FAF1: variants seen among roughly 807,000 people sequenced by gnomAD.
The protein encoded by FAF1 is FAS-associated factor 1.
In FAF1, 25 loss-of-function variants were observed where a neutral mutation model predicts 92.5. The observed-to-expected ratio is 0.27, with a 90% CI of 0.20 to 0.38. FAF1 has a LOEUF of 0.38. Ranked by LOEUF, FAF1 falls within the 10% of genes least tolerant of loss-of-function variation. The probability of loss-of-function intolerance (pLI) is 1.00; values close to 1 mark genes in which losing one functional copy is unlikely to be tolerated. For synonymous variants in FAF1, 234 were observed against 273.2 expected (o/e 0.86, Z 1.42); for missense variants, 636 against 793.3 (o/e 0.80, Z 2.38).
At position 50,685,360 on chromosome 1, in the gene FAF1, A is replaced by G. The variant is rs577146657; in HGVS notation, c.657+20426T>C. Among the ~76,000 whole-genome samples, 4 of 152,330 alleles carry G rather than the reference A, an allele frequency of 2.6e-5. No homozygotes were observed. The East Asian group carries it at 7.7e-4, about 29-fold the overall frequency. Reference sequence around the variant, plus strand: ...AGGGAAGTGATCCTACTGTTATGCTAACTTTACTGATAAAGAGTCCGTGTA... The same window carrying G: ...AGGGAAGTGATCCTACTGTTATGCTGACTTTACTGATAAAGAGTCCGTGTA... On this transcript the variant is annotated intron_variant, in intron 7 of 18. Transcript: ENST00000396153.
chr1:50,917,243 C>A (rs1362583314), intron 1 of FAF1, among the ~76,000 whole-genome samples: 2 of 152,268 alleles, frequency 1.3e-5, no homozygotes, highest in Admixed American at 6.5e-5. Flanking sequence ...CTGAAAGATA[C>A]ACTGCAATCA....
chr1:50,805,397 T>A lies in FAF1; in HGVS notation c.115-3720A>T, dbSNP rs55743332. Among the ~76,000 whole-genome samples, 1,174 of 152,270 alleles carry A rather than the reference T, an allele frequency of 7.7e-3. 13 individuals carry two copies. The highest frequency in any genetic ancestry group is 0.027 in the African/African-American group (1,134 of 41,562). ...GAAAACAATACCCTCTAAAATGCCA[T>A]CTTCCATAGCACACTAAAAGGCATG... On this transcript the variant is annotated intron_variant, in intron 2 of 18. Transcript: ENST00000396153.
chr1:50,596,329 C>G, intron 8 of FAF1, 113 bp from the exon 9 acceptor site: 1 of 744,510 alleles, frequency 1.3e-6, no homozygotes, highest in East Asian at 2.7e-5. Context: ...AAAGCTAACT[C>G]TAGTATCCTG....
intron 15 of FAF1, among the ~76,000 whole-genome samples, chr1:50,499,565 C>A: frequency 6.6e-6 from 1 of 151,940 alleles, no homozygotes; most frequent in East Asian, 1.9e-4. Flanking sequence ...TAATAAAAGG[C>A]ATCTACAATG....
chr1:50,836,157 G>GT (rs1490855614), intron 2 of FAF1, among the ~76,000 whole-genome samples: 1 of 106,724 alleles, frequency 9.4e-6, no homozygotes, highest in Non-Finnish European at 2.1e-5. Flanking sequence ...GTGTGTTTTT[G>GT]TTTTTTGTTT....
At chr1:50,858,044 G>A (rs1644403932) in intron 1 of FAF1, 47 bp from the exon 2 acceptor site, 2 of 1,372,474 alleles carry the variant, frequency 1.5e-6, no homozygotes, top group Non-Finnish European at 2.0e-6. Flanking sequence ...TTAGAAATAG[G>A]GAGGTAAATC....
chr1:50,858,737 T>C (rs974675144), intron 1 of FAF1, among the ~76,000 whole-genome samples: 1 of 151,900 alleles, frequency 6.6e-6, no homozygotes, highest in Non-Finnish European at 1.5e-5. Context: ...TATGAAATTA[T>C]ATTTCTGGTG....
intron 7 of FAF1, among the ~76,000 whole-genome samples, chr1:50,663,057 G>A (rs957148049): frequency 6.6e-6 from 1 of 151,588 alleles, no homozygotes; most frequent in Non-Finnish European, 1.5e-5. Flanking sequence ...AATTCCTAAA[G>A]TGCTAAGAAA....
chr1:50,772,367 C>T (rs1660805149), intron 4 of FAF1, among the ~76,000 whole-genome samples: 2 of 152,068 alleles, frequency 1.3e-5, no homozygotes, highest in African/African-American at 4.8e-5. Flanking sequence ...AAAGGAACAT[C>T]AATCATCACA....
chr1:50,474,089 C>T (rs1041783746), intron 18 of FAF1, among the ~76,000 whole-genome samples: 5 of 152,168 alleles, frequency 3.3e-5, no homozygotes, highest in African/African-American at 7.2e-5. Flanking sequence ...TAACACTTCA[C>T]GACACAAGAT....
At chr1:50,745,613 T>C (rs1659557855) in intron 4 of FAF1, among the ~76,000 whole-genome samples, 1 of 152,172 alleles carries the variant, frequency 6.6e-6, no homozygotes, top group African/African-American at 2.4e-5. Flanking sequence ...TTCATCCTGC[T>C]CTGGCCTGCT....
intron 8 of FAF1, among the ~76,000 whole-genome samples, chr1:50,630,826 A>ATT (rs1471050080): frequency 0.033 from 4,105 of 124,346 alleles, 118 homozygotes; most frequent in African/African-American, 0.053. Flanking sequence ...AGTGTATCAT[A>ATT]TCTTTTTTTT....
chr1:50,501,660 C>CAAA (rs543026675), intron 15 of FAF1, among the ~76,000 whole-genome samples: 3 of 106,242 alleles, frequency 2.8e-5, no homozygotes, highest in Non-Finnish European at 5.7e-5. Flanking sequence ...GACTCCGTCT[C>CAAA]AAAAAAAAAA....
chr1:50,582,803 A>G (rs1651050886), intron 11 of FAF1, 104 bp from the exon 12 acceptor site: 3 of 712,834 alleles, frequency 4.2e-6, no homozygotes, highest in Non-Finnish European at 7.4e-6. Flanking sequence ...GCTAATGTCT[A>G]GTGCATACTA....
intron 1 of FAF1, among the ~76,000 whole-genome samples, chr1:50,931,720 CA>C (rs1174458890): frequency 1.3e-5 from 2 of 151,360 alleles, no homozygotes; most frequent in African/African-American, 4.8e-5. Context: ...ACAACAACAA[CA>C]AAAAAATTAG....
At chr1:50,667,341 T>C (rs567419593) in intron 7 of FAF1, among the ~76,000 whole-genome samples, 2 of 152,340 alleles carry the variant, frequency 1.3e-5, no homozygotes, top group South Asian at 2.1e-4. Flanking sequence ...ATTCACACTA[T>C]GGGCCTGCTA....
At chr1:50,752,513 TG>T (rs1032151867) in intron 4 of FAF1, among the ~76,000 whole-genome samples, 13 of 152,196 alleles carry the variant, frequency 8.5e-5, no homozygotes, top group Admixed American at 5.2e-4. Context: ...CTTCTGTTCT[TG>T]TTTTTCACAC....
At chr1:50,926,478 C>G (rs564642184) in intron 1 of FAF1, among the ~76,000 whole-genome samples, 1 of 151,892 alleles carries the variant, frequency 6.6e-6, no homozygotes, top group Non-Finnish European at 1.5e-5. Context: ...AAAATTACAG[C>G]TAGATAGGAG....
At chr1:50,673,651 T>C (rs1470364257) in intron 7 of FAF1, among the ~76,000 whole-genome samples, 1 of 152,170 alleles carries the variant, frequency 6.6e-6, no homozygotes, top group Non-Finnish European at 1.5e-5. Context: ...AGTCATTCTT[T>C]ATTTTAGATG....
Sources: allele counts gnomAD v4.1 joint callset (sites outside exome capture counted in the v4.1 genomes callset), GRCh38; gene constraint gnomAD v4.1.1; transcripts MANE v1.5; gene names NCBI Gene and HGNC (gene_info 2026-07-23, HGNC 2026-07-21).